The following NDUFB10 variants were observed in gnomAD, a reference collection of about 807,000 sequenced individuals.
NDUFB10 encodes the protein NADH:ubiquinone oxidoreductase subunit B10.
NDUFB10 carries 23 observed loss-of-function variants against 19.0 expected under a neutral mutation model. The observed-to-expected ratio is 1.21, with a 90% CI of 0.87 to 1.71. The LOEUF (loss-of-function observed/expected upper bound fraction) is 1.71, where lower values mean the gene tolerates loss of function less well. Among genes scored for constraint, NDUFB10 ranks in the 40% most tolerant of loss-of-function variants. NDUFB10 has a pLI of 0.00. For synonymous variants in NDUFB10, 104 were observed against 81.8 expected (o/e 1.27, Z -1.46); for missense variants, 312 against 230.6 (o/e 1.35, Z -2.29).
Position 1,961,133 on chromosome 16 carries a change from C to T in NDUFB10, c.131-20C>T, listed in dbSNP as rs769138080. 3.7e-6 allele frequency: 6 copies of T among 1,613,038 alleles called. No individual in the cohort carries two copies. Among genetic ancestry groups the T allele is most frequent in the Non-Finnish European group, 5.1e-6 (6 of 1,179,522 alleles). ...GTCCAAACCGATGAGGCATTTGAGT[C>T]TGTGGCTTTGTCTTTGCAGAATTTA... is the stretch of plus-strand genomic sequence containing the variant. On this transcript the variant is annotated intron_variant, in intron 1 of 3. Transcript: ENST00000268668.
chr16:1,961,209 C>T lies in NDUFB10; in HGVS notation c.187C>T (p.Arg63Cys), dbSNP rs372043257. The T allele has an allele frequency of 2.0e-5, 32 of 1,614,108 alleles. No homozygotes were observed. The highest frequency in any genetic ancestry group is 5.3e-5 in the African/African-American group (4 of 75,052). Residue 63 changes from arginine (R) to cysteine (C), a missense_variant, in exon 2 of 4, where the codon CGC (arginine) becomes TGC (cysteine). Transcript: ENST00000268668. ...NRYYYYHRQY[R>C]RVPDITECKE... ...GTATTACTACTACCACCGGCAGTAC[C>T]GCCGCGTGCCAGACATCACTGAGTG...
At position 1,961,953 on chromosome 16, in the gene NDUFB10, G is replaced by T. The variant is rs939163359; in HGVS notation, c.*47G>T. 3.9e-6 allele frequency: 6 copies of T among 1,524,464 alleles called. No individual in the cohort carries two copies. The highest frequency in any genetic ancestry group is 4.5e-6 in the Non-Finnish European group (5 of 1,123,560). The allele number at this position is 1,524,464 out of a possible 1,614,324, so 94.4% of individuals were successfully genotyped here. The stretch of plus-strand genomic sequence containing the variant: ...TGTGTGGCTCTGTATGACTGTTGCT[G>T]AAATATAAAGCCCTGCAACCTGCCT... On this transcript the variant is annotated 3_prime_UTR_variant, in exon 4 of 4. Coordinates refer to ENST00000268668, the MANE Select transcript of NDUFB10 (RefSeq NM_004548.3).
intron 1 of NDUFB10, among the ~76,000 whole-genome samples, chr16:1,960,126 GTC>G (rs1361152808): frequency 2.6e-5 from 4 of 152,024 alleles, no homozygotes; most frequent in Non-Finnish European, 5.9e-5. Context: ...TCTCTCAAAT[GTC>G]TCTCTGCCGG....
At chr16:1,961,419 C>T (rs767419091) in intron 2 of NDUFB10, 78 bp from the exon 3 acceptor site, 102 of 1,595,410 alleles carry the variant, frequency 6.4e-5, no homozygotes, top group Non-Finnish European at 8.4e-5. Flanking sequence ...CCCCAGGGCT[C>T]TTGCTTTCAA....
Position 1,961,643 on chromosome 16 carries a change from G to GGGCCCCCCCCCCCCCCC in NDUFB10, c.409+7_409+8insGGCCCCCCCCCCCCCCC. ...AAGGCCTACCAGGACCGCTGTGCGTGCCCCACCCACCCCCAACCCCCCACC... is the reference window on the plus strand; with the variant it reads ...AAGGCCTACCAGGACCGCTGTGCGTGGGCCCCCCCCCCCCCCCCCCCACCCACCCCCAACCCCCCACC... On this transcript the variant is annotated splice_region_variant and intron_variant, in intron 3 of 3. Coordinates refer to ENST00000268668, the MANE Select transcript of NDUFB10 (RefSeq NM_004548.3). The GGGCCCCCCCCCCCCCCC allele has an allele frequency of 6.5e-7, 1 of 1,547,136 alleles. No homozygotes were observed. The highest frequency in any genetic ancestry group is 2.3e-5 in the East Asian group (1 of 42,892).
chr16:1,960,380 G>A (rs1032519605), intron 1 of NDUFB10, among the ~76,000 whole-genome samples: 1 of 151,976 alleles, frequency 6.6e-6, no homozygotes, highest in Non-Finnish European at 1.5e-5. Flanking sequence ...CCACCACCAC[G>A]CCCAGCTAAT....
intron 2 of NDUFB10, 73 bp downstream of exon 2, chr16:1,961,364 A>G: frequency 1.2e-6 from 2 of 1,600,242 alleles, no homozygotes; most frequent in East Asian, 2.2e-5. Context: ...GGGATGCCAC[A>G]GGGTGGCATG....
intron 3 of NDUFB10, 65 bp from the exon 4 acceptor site, chr16:1,961,728 CACTT>C: frequency 6.7e-7 from 1 of 1,483,522 alleles, no homozygotes; most frequent in Non-Finnish European, 9.1e-7. Context: ...CCCTTGTGCT[CACTT>C]GACTTTGCCC....
At chr16:1,960,632 C>T (rs961873308) in intron 1 of NDUFB10, among the ~76,000 whole-genome samples, 15 of 152,350 alleles carry the variant, frequency 9.8e-5, no homozygotes, top group Admixed American at 5.2e-4. Context: ...CGTGCAACAG[C>T]GGACCCAGCT....
At chr16:1,960,367 G>C (rs1048215057) in intron 1 of NDUFB10, among the ~76,000 whole-genome samples, 3 of 151,958 alleles carry the variant, frequency 2.0e-5, no homozygotes, top group Admixed American at 2.0e-4. Flanking sequence ...GATTACAGGC[G>C]CACCACCACC....
intron 3 of NDUFB10, 23 bp downstream of exon 3, chr16:1,961,659 A>ACCCCCCCCCT: frequency 1.3e-6 from 1 of 779,200 alleles, no homozygotes; most frequent in Admixed American, 2.3e-5. Context: ...CCCACCCCCA[A>ACCCCCCCCCT]CCCCCCACCA....
At chr16:1,960,147 G>C (rs1180531463) in intron 1 of NDUFB10, among the ~76,000 whole-genome samples, 1 of 151,930 alleles carries the variant, frequency 6.6e-6, no homozygotes, top group Non-Finnish European at 1.5e-5. Flanking sequence ...GGATGACCAA[G>C]TGTCGGGGTG....
intron 1 of NDUFB10, 65 bp from the exon 2 acceptor site, chr16:1,961,088 A>G (rs537272089): frequency 6.3e-7 from 1 of 1,580,148 alleles, no homozygotes; most frequent in African/African-American, 1.4e-5. Context: ...GCTTATGAGA[A>G]ATAAGAAAGC....
At chr16:1,961,082 AT>A (rs954277388) in intron 1 of NDUFB10, 70 bp from the exon 2 acceptor site, 2 of 1,566,112 alleles carry the variant, frequency 1.3e-6, no homozygotes, top group Non-Finnish European at 8.7e-7. Flanking sequence ...CAAAGGGCTT[AT>A]GAGAAATAAG....
chr16:1,959,848 TCTGC>T lies in NDUFB10; in HGVS notation c.130+98_130+101del, dbSNP rs1163241242. On this transcript the variant is annotated intron_variant, in intron 1 of 3. Transcript: ENST00000268668. ...ATCCTCCAATGCCTCCGGGGTCCCG[TCTGC>T]CTGAGACCGCCCCCCGCTGCACCCC... 7 of 1,530,856 alleles carry T rather than the reference TCTGC, an allele frequency of 4.6e-6. No individual in the cohort carries two copies. The African/African-American group carries it at 9.7e-5, about 21-fold the overall frequency. 94.8% of individuals were successfully genotyped at this position (1,530,856 alleles called of 1,614,324 possible).
chr16:1,961,655 C>G lies in NDUFB10; in HGVS notation c.409+19C>G. 1.3e-6 allele frequency: 2 copies of G among 1,547,360 alleles called. No individual in the cohort carries two copies. Among genetic ancestry groups the G allele is most frequent in the Non-Finnish European group, 1.7e-6 (2 of 1,146,054 alleles). ...GACCGCTGTGCGTGCCCCACCCACC[C>G]CCAACCCCCCACCATCCTCCTGAGG... On this transcript the variant is annotated intron_variant, in intron 3 of 3. Transcript: ENST00000268668.
In NDUFB10 at chr16:1,961,651, C is replaced by T. The variant is rs1280508625; in HGVS notation, c.409+15C>T. 3.9e-6 allele frequency: 6 copies of T among 1,549,824 alleles called. No homozygotes were observed. Among genetic ancestry groups the T allele is most frequent in the African/African-American group, 2.7e-5 (2 of 73,052 alleles). On this transcript the variant is annotated intron_variant, in intron 3 of 3. Coordinates refer to ENST00000268668, the MANE Select transcript of NDUFB10 (RefSeq NM_004548.3). ...CCAGGACCGCTGTGCGTGCCCCACC[C>T]ACCCCCAACCCCCCACCATCCTCCT...
At chr16:1,960,220 T>C (rs992511001) in intron 1 of NDUFB10, among the ~76,000 whole-genome samples, 1 of 54,080 alleles carries the variant, frequency 1.8e-5, no homozygotes, top group Non-Finnish European at 3.4e-5. Context: ...AGTTCAGTTT[T>C]TGTTGTTTTT....
chr16:1,961,304 T>C lies in NDUFB10; in HGVS notation c.269+13T>C, dbSNP rs751666516. 1.2e-5 allele frequency: 20 copies of C among 1,613,892 alleles called. No homozygotes were observed. The highest frequency in any genetic ancestry group is 1.6e-5 in the Non-Finnish European group (19 of 1,179,996). On this transcript the variant is annotated intron_variant, in intron 2 of 3. Transcript: ENST00000268668. ...GGAAGAGGGACTAGTACGTGAGCCA[T>C]GCTGGGAGTGTGGAGATCTGCACCG...
Sources: allele counts gnomAD v4.1 joint callset (sites outside exome capture counted in the v4.1 genomes callset), GRCh38; gene constraint gnomAD v4.1.1; transcripts MANE v1.5; gene names NCBI Gene and HGNC (gene_info 2026-07-23, HGNC 2026-07-21).